Variants in SUGCT observed in about 807,000 individuals in gnomAD.
The protein encoded by SUGCT is succinyl-CoA:glutarate CoA-transferase.
Under a neutral mutation model 55.0 loss-of-function variants are expected in SUGCT, and 41 were observed. That is an observed-to-expected ratio of 0.74 (90% CI 0.58 to 0.97). The LOEUF (loss-of-function observed/expected upper bound fraction) is 0.97. Among genes scored for constraint, SUGCT ranks in the 50% least tolerant of loss-of-function variants. SUGCT has a pLI of 0.00. For missense variants in SUGCT, 568 were observed against 547.8 expected, an observed-to-expected ratio of 1.04 and a Z score of -0.37; for synonymous variants, 187 against 200.4, an observed-to-expected ratio of 0.93 and a Z score of 0.56.
chr7:40,499,138 G>A (rs1453996052), intron 12 of SUGCT: 1 of 456,464 alleles, frequency 2.2e-6, no homozygotes, highest in African/African-American at 2.0e-5. Flanking sequence ...CTCTCCATGT[G>A]CGCTGTGCCA....
chr7:40,931,570 T>G, the SUGCT span, among the ~76,000 whole-genome samples: 1 of 152,234 alleles, frequency 6.6e-6, no homozygotes, highest in Non-Finnish European at 1.5e-5. Context: ...TTTTGGTTGA[T>G]AGGCTATTAA....
At chr7:40,450,307 G>C (rs1027194813) in intron 10 of SUGCT, among the ~76,000 whole-genome samples, 1 of 151,612 alleles carries the variant, frequency 6.6e-6, no homozygotes, top group Non-Finnish European at 1.5e-5. Flanking sequence ...TTAGAACTTA[G>C]GTATCTGTTC....
At chr7:40,699,428 C>T in intron 12 of SUGCT, among the ~76,000 whole-genome samples, 1 of 152,296 alleles carries the variant, frequency 6.6e-6, no homozygotes, top group South Asian at 2.1e-4. Context: ...AGTGAGAATG[C>T]TGCCAGGTTA....
intron 9 of SUGCT, among the ~76,000 whole-genome samples, chr7:40,397,283 A>G: frequency 6.7e-6 from 1 of 148,808 alleles, no homozygotes; most frequent in African/African-American, 2.4e-5. Flanking sequence ...CCTTTTACTG[A>G]CAAAATTCCA....
intron 9 of SUGCT, among the ~76,000 whole-genome samples, chr7:40,372,870 G>A (rs917735723): frequency 6.6e-6 from 1 of 152,014 alleles, no homozygotes; most frequent in Non-Finnish European, 1.5e-5. Context: ...TTCAATGCAA[G>A]TAACCACGCA....
At chr7:40,736,279 ATATAT>A (rs1321707644) in intron 12 of SUGCT, among the ~76,000 whole-genome samples, 32 of 121,992 alleles carry the variant, frequency 2.6e-4, no homozygotes, top group African/African-American at 1.1e-3. Flanking sequence ...ATAATATATA[ATATAT>A]TATAATATTT....
chr7:41,006,958 A>G, the SUGCT span, among the ~76,000 whole-genome samples: 1 of 152,326 alleles, frequency 6.6e-6, no homozygotes, highest in Admixed American at 6.5e-5. Flanking sequence ...TATCCACTGA[A>G]GTGATGGGCT....
chr7:40,663,467 C>G (rs553884007), intron 12 of SUGCT, among the ~76,000 whole-genome samples: 3 of 148,380 alleles, frequency 2.0e-5, no homozygotes, highest in Admixed American at 2.0e-4. Context: ...CTATATTCAC[C>G]AAATTACTTT....
At chr7:40,896,780 T>C in the SUGCT span, among the ~76,000 whole-genome samples, 1 of 152,176 alleles carries the variant, frequency 6.6e-6, no homozygotes, top group African/African-American at 2.4e-5. Flanking sequence ...ACTAATACAC[T>C]ACCTAAAGCA....
chr7:40,578,722 T>G (rs1347341372), intron 12 of SUGCT, among the ~76,000 whole-genome samples: 1 of 152,196 alleles, frequency 6.6e-6, no homozygotes, highest in African/African-American at 2.4e-5. Flanking sequence ...CACTCAAGAA[T>G]GGGAAGTCTT....
chr7:40,898,411 A>G, the SUGCT span, among the ~76,000 whole-genome samples: 1 of 137,516 alleles, frequency 7.3e-6, no homozygotes, highest in Non-Finnish European at 1.5e-5. Context: ...CGGACACATC[A>G]TCTTTAAGAA....
chr7:41,020,040 C>T, the SUGCT span, among the ~76,000 whole-genome samples: 1 of 152,168 alleles, frequency 6.6e-6, no homozygotes, highest in Admixed American at 6.6e-5. Flanking sequence ...CCTTCTCACT[C>T]ATTTTATCAT....
the SUGCT span, among the ~76,000 whole-genome samples, chr7:40,886,189 T>C: frequency 6.6e-6 from 1 of 152,172 alleles, no homozygotes; most frequent in Non-Finnish European, 1.5e-5. Flanking sequence ...GAATTAAGAA[T>C]GTGGACATGC....
intron 9 of SUGCT, among the ~76,000 whole-genome samples, chr7:40,379,886 G>A (rs1455367955): frequency 6.6e-6 from 1 of 152,182 alleles, no homozygotes; most frequent in Non-Finnish European, 1.5e-5. Flanking sequence ...GAATATGGTG[G>A]TAGCTTCTCA....
intron 7 of SUGCT, among the ~76,000 whole-genome samples, chr7:40,262,933 C>G (rs1791325298): frequency 6.6e-6 from 1 of 152,102 alleles, no homozygotes; most frequent in East Asian, 1.9e-4. Flanking sequence ...CTAAATATTT[C>G]TTTGTTTTGA....
At chr7:40,610,634 G>C (rs575371308) in intron 12 of SUGCT, among the ~76,000 whole-genome samples, 1 of 152,266 alleles carries the variant, frequency 6.6e-6, no homozygotes, top group South Asian at 2.1e-4. Flanking sequence ...CACCTCATCT[G>C]CTCCCCCTTG....
At chr7:40,603,596 A>G (rs1798394687) in intron 12 of SUGCT, among the ~76,000 whole-genome samples, 1 of 152,128 alleles carries the variant, frequency 6.6e-6, no homozygotes, top group Non-Finnish European at 1.5e-5. Flanking sequence ...CTGGATTTAG[A>G]TGGTTCTCAG....
At chr7:40,389,873 C>T (rs1785327183) in intron 9 of SUGCT, among the ~76,000 whole-genome samples, 1 of 152,092 alleles carries the variant, frequency 6.6e-6, no homozygotes, top group Non-Finnish European at 1.5e-5. Context: ...AACATCAATG[C>T]AAAAATGCTC....
chr7:40,385,394 G>A (rs1366421485), intron 9 of SUGCT, among the ~76,000 whole-genome samples: 1 of 152,118 alleles, frequency 6.6e-6, no homozygotes, highest in Non-Finnish European at 1.5e-5. Context: ...ATTCATATCA[G>A]GGTTGTAGTA....
Sources: allele counts gnomAD v4.1 joint callset (sites outside exome capture counted in the v4.1 genomes callset), GRCh38; gene constraint gnomAD v4.1.1; transcripts MANE v1.5; gene names NCBI Gene and HGNC (gene_info 2026-07-23, HGNC 2026-07-21).